WBP2NL: variants seen among roughly 807,000 people sequenced by gnomAD.
The protein encoded by WBP2NL is postacrosomal sheath WW domain-binding protein.
In WBP2NL, 27 loss-of-function variants were observed where a neutral mutation model predicts 23.3. That is an observed-to-expected ratio of 1.16 (90% CI 0.85 to 1.60). The LOEUF (loss-of-function observed/expected upper bound fraction) is 1.60. Among genes scored for constraint, WBP2NL ranks in the 40% most tolerant of loss-of-function variants. The pLI is 0.00. For missense variants in WBP2NL, 370 were observed against 389.5 expected, an observed-to-expected ratio of 0.95 and a Z score of 0.42; for synonymous variants, 151 against 145.9, an observed-to-expected ratio of 1.03 and a Z score of -0.25.
At chr22:42,023,494 C>A (rs1217016931) in intron 5 of WBP2NL, among the ~76,000 whole-genome samples, 7 of 151,638 alleles carry the variant, frequency 4.6e-5, no homozygotes, top group African/African-American at 1.7e-4. Context: ...CTCTGGCAGC[C>A]TTTTTTGTTT....
chr22:42,026,810 C>T lies in WBP2NL; in HGVS notation c.559C>T (p.Pro187Ser), dbSNP rs551156920. 6.2e-7 allele frequency: 1 copy of T among 1,613,124 alleles called. No homozygotes were observed. Among genetic ancestry groups the T allele is most frequent in the Non-Finnish European group, 8.5e-7 (1 of 1,179,766 alleles). Residue 187 changes from proline to serine, a missense_variant, in exon 6 of 6, where the codon CCC (proline) becomes TCC (serine). Pro to Ser is a moderately conservative substitution (Grantham distance 74). Transcript: ENST00000328823. The part of the protein sequence containing the change: ...APPAGYGAPP[P>S]GYGAPPAGYG... ...ACCTGCAGGATATGGAGCCCCACCTCCCGGATACGGAGCCCCACCTGCAGG... is the reference window on the plus strand; with the variant it reads ...ACCTGCAGGATATGGAGCCCCACCTTCCGGATACGGAGCCCCACCTGCAGG...
Position 42,010,562 on chromosome 22 carries a change from G to A in WBP2NL, c.63-8749G>A, listed in dbSNP as rs532859811. 2.1e-4 allele frequency among the ~76,000 whole-genome samples: 32 copies of A among 150,628 alleles called. No homozygotes were observed. The South Asian group carries it at 6.7e-3, about 32-fold the overall frequency. On this transcript the variant is annotated intron_variant, in intron 1 of 5. Transcript: ENST00000328823. ...TCTTTTTTTTCTTTTTTTTTGAGAC[G>A]GAGTCTCGCTCTGTTGCCCAGGCTG... is the stretch of plus-strand genomic sequence containing the variant.
downstream of WBP2NL, chr22:42,032,399 C>T: frequency 6.1e-6 from 1 of 163,606 alleles, no homozygotes; most frequent in Non-Finnish European, 1.3e-5. Flanking sequence ...CCAGATTCTG[C>T]CCTCTCAGCT....
chr22:42,000,786 A>AC (rs1556282107), intron 1 of WBP2NL, among the ~76,000 whole-genome samples: 2 of 151,378 alleles, frequency 1.3e-5, no homozygotes, highest in East Asian at 1.9e-4. Context: ...AAAAAAAAAA[A>AC]CAGCCGGGAG....
At chr22:42,035,769 C>A (rs1197235313), downstream of WBP2NL, among the ~76,000 whole-genome samples, 1 of 152,070 alleles carries the variant, frequency 6.6e-6, no homozygotes. Context: ...TATCTATTAC[C>A]TGTATATAGT....
intron 1 of WBP2NL, among the ~76,000 whole-genome samples, chr22:42,007,871 A>C (rs1182456460): frequency 1.3e-5 from 2 of 152,186 alleles, no homozygotes; most frequent in African/African-American, 2.4e-5. Context: ...TAAGTATTCA[A>C]ATATCTATTT....
intron 1 of WBP2NL, among the ~76,000 whole-genome samples, chr22:42,018,033 C>T (rs1013853437): frequency 6.6e-6 from 1 of 151,710 alleles, no homozygotes; most frequent in African/African-American, 2.4e-5. Flanking sequence ...GACTTAATCC[C>T]AGCTATTTGG....
At chr22:42,044,844 ACT>A (rs1210695596) in intron 8 of WBP2NL, among the ~76,000 whole-genome samples, 1 of 151,850 alleles carries the variant, frequency 6.6e-6, no homozygotes, top group Admixed American at 6.6e-5. Context: ...GATGGATGTC[ACT>A]CTGTCACCCA....
At chr22:42,011,811 C>CTTGTTGTTGTT (rs1922847083) in intron 1 of WBP2NL, among the ~76,000 whole-genome samples, 1 of 151,550 alleles carries the variant, frequency 6.6e-6, no homozygotes, top group Non-Finnish European at 1.5e-5. Context: ...CTTACTCTGT[C>CTTGTTGTTGTT]GCCCAGGCTG....
downstream of WBP2NL, among the ~76,000 whole-genome samples, chr22:42,036,426 G>A (rs567373597): frequency 2.0e-5 from 3 of 152,202 alleles, no homozygotes; most frequent in African/African-American, 4.8e-5. Flanking sequence ...TCCCCGCCTC[G>A]GCCTCCCAAA....
chr22:42,036,762 T>C (rs771230837), downstream of WBP2NL, among the ~76,000 whole-genome samples: 25 of 152,206 alleles, frequency 1.6e-4, no homozygotes, highest in Non-Finnish European at 3.5e-4. Context: ...CTTGGCCCAT[T>C]TTTTAATCCA....
chr22:42,045,157 G>A (rs1925537232), intron 8 of WBP2NL, among the ~76,000 whole-genome samples: 2 of 152,144 alleles, frequency 1.3e-5, no homozygotes, highest in South Asian at 2.1e-4. Flanking sequence ...TTAAAACCTC[G>A]GCCGGGCGCG....
downstream of WBP2NL, chr22:42,032,991 C>T: frequency 5.5e-6 from 1 of 182,926 alleles, no homozygotes; most frequent in South Asian, 1.0e-4. Context: ...ACAAGTGGCA[C>T]CTCTGCCCAA....
intron 1 of WBP2NL, among the ~76,000 whole-genome samples, chr22:42,018,473 G>A (rs1331539048): frequency 6.6e-6 from 1 of 151,160 alleles, no homozygotes; most frequent in Non-Finnish European, 1.5e-5. Flanking sequence ...GAAAGAGAAA[G>A]AAGAAATAAG....
At chr22:42,044,485 T>G (rs1032889917) in intron 8 of WBP2NL, among the ~76,000 whole-genome samples, 1 of 152,182 alleles carries the variant, frequency 6.6e-6, no homozygotes, top group Admixed American at 6.5e-5. Flanking sequence ...AAACCAAATT[T>G]CGTTCTTTGA....
chr22:42,054,918 A>G lies in WBP2NL; in HGVS notation c.*274-3372A>G, dbSNP rs555007629. Among the ~76,000 whole-genome samples the G allele has an allele frequency of 2.7e-4, 41 of 152,138 alleles. No individual in the cohort carries two copies. The South Asian group carries it at 8.5e-3, about 32-fold the overall frequency. ...AAGAAAAAAAATCAATTAGCTATAG[A>G]TGTATGGGTTTATTTCTGGACTCTC... On this transcript the variant is annotated intron_variant and NMD_transcript_variant, in intron 8 of 8. Transcript: ENST00000436265.
intron 1 of WBP2NL, among the ~76,000 whole-genome samples, chr22:42,018,916 A>G (rs1189162921): frequency 6.1e-4 from 8 of 13,084 alleles, no homozygotes; most frequent in Non-Finnish European, 1.4e-3. Context: ...CTTACTCTGG[A>G]AAAAAAAAAA....
chr22:42,047,601 T>TC (rs1204346362), intron 8 of WBP2NL, among the ~76,000 whole-genome samples: 2 of 142,186 alleles, frequency 1.4e-5, no homozygotes, highest in African/African-American at 5.2e-5. Context: ...ACCCCCCGCC[T>TC]CCCAAAAAAA....
intron 1 of WBP2NL, chr22:42,001,429 A>C (rs1921665266): frequency 1.2e-6 from 1 of 821,512 alleles, no homozygotes; most frequent in Non-Finnish European, 2.1e-6. Flanking sequence ...TACCCTGCAC[A>C]GACACGTTAA....
Sources: allele counts gnomAD v4.1 joint callset (sites outside exome capture counted in the v4.1 genomes callset), GRCh38; gene constraint gnomAD v4.1.1; transcripts MANE v1.5; gene names NCBI Gene and HGNC (gene_info 2026-07-23, HGNC 2026-07-21).